Variants in USH2A observed in about 807,000 individuals in gnomAD.
The protein encoded by USH2A is Usher syndrome 2A (autosomal recessive, mild).
Under a neutral mutation model 538.9 loss-of-function variants are expected in USH2A, and 443 were observed. The ratio of observed to expected loss-of-function variants is 0.82; its 90% CI spans 0.76 to 0.89. The LOEUF (loss-of-function observed/expected upper bound fraction) is 0.89, where lower values mean the gene tolerates loss of function less well. Ranked by LOEUF, USH2A falls within the 40% of genes least tolerant of loss-of-function variation. USH2A has a pLI of 0.00. For missense variants in USH2A, 6,633 were observed against 6,324.8 expected (o/e 1.05, Z -1.65); for synonymous variants, 2,413 against 2,273.5 (o/e 1.06, Z -1.75).
intron 61 of USH2A, among the ~76,000 whole-genome samples, chr1:215,681,776 C>T (rs1214150756): frequency 6.6e-6 from 1 of 152,160 alleles, no homozygotes; most frequent in Non-Finnish European, 1.5e-5. Flanking sequence ...ATGTGTTAAA[C>T]ATAGGCAGAG....
chr1:215,734,198 C>A (rs1286631717), intron 60 of USH2A, among the ~76,000 whole-genome samples: 1 of 152,154 alleles, frequency 6.6e-6, no homozygotes, highest in Non-Finnish European at 1.5e-5. Context: ...TGGTAGCTAC[C>A]AAGGGTTTGG....
chr1:215,759,579 C>G, intron 57 of USH2A, 81 bp downstream of exon 57: 2 of 1,551,928 alleles, frequency 1.3e-6, no homozygotes, highest in East Asian at 4.5e-5. Context: ...TAACAACTTT[C>G]AGTGGGACAT....
intron 14 of USH2A, among the ~76,000 whole-genome samples, chr1:216,231,353 T>G (rs1458654687): frequency 7.1e-6 from 1 of 141,090 alleles, no homozygotes. Context: ...TTCAGATATG[T>G]CTTTTCCTGT....
At chr1:215,912,656 A>T (rs908388141) in intron 38 of USH2A, among the ~76,000 whole-genome samples, 9 of 151,810 alleles carry the variant, frequency 5.9e-5, no homozygotes, top group East Asian at 3.9e-4. Flanking sequence ...ATTACTTTTT[A>T]AAAAACTTTT....
At chr1:215,938,993 A>G (rs1168855849) in intron 37 of USH2A, among the ~76,000 whole-genome samples, 1 of 152,176 alleles carries the variant, frequency 6.6e-6, no homozygotes, top group Non-Finnish European at 1.5e-5. Flanking sequence ...TTACTCTATT[A>G]GTGAAATAAG....
chr1:215,730,560 T>A (rs1469582525), intron 60 of USH2A, among the ~76,000 whole-genome samples: 1 of 152,210 alleles, frequency 6.6e-6, no homozygotes, highest in Non-Finnish European at 1.5e-5. Flanking sequence ...AAAATTCACA[T>A]GCTGCCATAT....
At chr1:215,644,787 G>C (rs1656794970) in intron 67 of USH2A, among the ~76,000 whole-genome samples, 1 of 152,212 alleles carries the variant, frequency 6.6e-6, no homozygotes, top group Admixed American at 6.5e-5. Flanking sequence ...AAGTGGAAGA[G>C]AGGATATGGG....
chr1:215,661,587 T>C (rs1657438993), intron 64 of USH2A, among the ~76,000 whole-genome samples: 4 of 152,178 alleles, frequency 2.6e-5, no homozygotes, highest in Admixed American at 2.6e-4. Context: ...GAGATCCCGA[T>C]TGATACAGTG....
At chr1:216,167,958 A>G (rs1223347249) in intron 21 of USH2A, among the ~76,000 whole-genome samples, 1 of 152,138 alleles carries the variant, frequency 6.6e-6, no homozygotes, top group Non-Finnish European at 1.5e-5. Flanking sequence ...TTTGACAATG[A>G]TGTTCCCAGA....
At chr1:216,054,768 C>G (rs765921281) in intron 30 of USH2A, among the ~76,000 whole-genome samples, 2 of 150,408 alleles carry the variant, frequency 1.3e-5, no homozygotes, top group African/African-American at 2.4e-5. Flanking sequence ...CTGTCATCTT[C>G]GAATCGCTTG....
intron 61 of USH2A, among the ~76,000 whole-genome samples, chr1:215,692,257 G>T (rs11120604): frequency 0.021 from 3,157 of 152,096 alleles, 100 homozygotes; most frequent in East Asian, 0.099. Flanking sequence ...TAGAAACAGG[G>T]AATAGTAATA....
At chr1:216,184,901 G>A (rs73098611) in intron 20 of USH2A, among the ~76,000 whole-genome samples, 9 of 152,018 alleles carry the variant, frequency 5.9e-5, no homozygotes, top group East Asian at 1.9e-4. Flanking sequence ...TGTTTTATGC[G>A]AGATGGGCAC....
chr1:216,051,176 C>G (rs907985944), intron 30 of USH2A, among the ~76,000 whole-genome samples: 4 of 152,150 alleles, frequency 2.6e-5, no homozygotes, highest in African/African-American at 9.7e-5. Context: ...TAAGCCTTAT[C>G]TTTCAGTGAT....
chr1:216,197,569 CA>C (rs2034879968), intron 18 of USH2A, among the ~76,000 whole-genome samples: 1 of 152,166 alleles, frequency 6.6e-6, no homozygotes, highest in Admixed American at 6.6e-5. Flanking sequence ...CCTTGGACAT[CA>C]ACCTAAAGCT....
At chr1:215,630,567 G>C (rs1417997501) in intron 70 of USH2A, among the ~76,000 whole-genome samples, 1 of 145,554 alleles carries the variant, frequency 6.9e-6, no homozygotes, top group Non-Finnish European at 1.5e-5. Flanking sequence ...AAACTTCATA[G>C]TGAGGCCGGG....
chr1:215,836,420 C>G (rs1161699199), intron 47 of USH2A, among the ~76,000 whole-genome samples: 1 of 111,512 alleles, frequency 9.0e-6, no homozygotes, highest in Non-Finnish European at 1.8e-5. Context: ...ATGTCTTATG[C>G]TCTTTTGTAT....
Position 215,766,666 on chromosome 1 carries a change from A to T in USH2A, c.11047+15T>A. 1 of 1,608,050 alleles carries T rather than the reference A, an allele frequency of 6.2e-7. No individual in the cohort carries two copies. The highest frequency in any genetic ancestry group is 8.5e-7 in the Non-Finnish European group (1 of 1,174,666). On this transcript the variant is annotated intron_variant, in intron 56 of 71. Transcript: ENST00000307340. ...GAAAATTTCTTCCCTCAAACCATGG[A>T]TATTGTTTCATTACCTTCAGGAGCT...
chr1:215,634,638 CGCT>C lies in USH2A; in HGVS notation c.15115_15117del (p.Ser5039del), dbSNP rs1553248836. On this transcript the variant is annotated inframe_deletion, in exon 70 of 72. Transcript: ENST00000307340. ...GCCATTAACACTATGAACCACAGCT[CGCT>C]GTAGAACTCTGTGCTTTTGCTCCGC... The C allele has an allele frequency of 6.2e-7, 1 of 1,614,232 alleles. No homozygotes were observed. Among genetic ancestry groups the C allele is most frequent in the Non-Finnish European group, 8.5e-7 (1 of 1,180,042 alleles).
chr1:215,783,988 A>G (rs1206725310), intron 52 of USH2A, among the ~76,000 whole-genome samples: 2 of 152,200 alleles, frequency 1.3e-5, no homozygotes, highest in Non-Finnish European at 1.5e-5. Context: ...AATGCAATAA[A>G]TTATGGGGCA....
Sources: gnomAD v4.1 joint callset for allele counts (sites outside exome capture counted in the v4.1 genomes callset) on GRCh38, gnomAD v4.1.1 for gene constraint, MANE v1.5 for transcripts, NCBI Gene and HGNC (gene_info 2026-07-23, HGNC 2026-07-21) for gene names.